Variants in DCUN1D3 observed in about 807,000 individuals in gnomAD.
The protein encoded by DCUN1D3 is defective in cullin neddylation 1 domain containing 3.
Under a neutral mutation model 24.8 loss-of-function variants are expected in DCUN1D3, and 6 were observed. The ratio of observed to expected loss-of-function variants is 0.24; its 90% CI spans 0.13 to 0.48. The LOEUF is 0.48. DCUN1D3 is among the 20% of genes least tolerant of loss of function. The pLI is 0.99. For missense variants in DCUN1D3, 258 were observed against 379.4 expected, an observed-to-expected ratio of 0.68 and a Z score of 2.66; for synonymous variants, 120 against 144.9, an observed-to-expected ratio of 0.83 and a Z score of 1.24.
intron 1 of DCUN1D3, among the ~76,000 whole-genome samples, chr16:20,883,250 C>T (rs957539070): frequency 2.0e-5 from 3 of 152,216 alleles, no homozygotes; most frequent in Admixed American, 6.5e-5. Context: ...CGGTGGCTCA[C>T]GCCTGTAATC....
intron 1 of DCUN1D3, among the ~76,000 whole-genome samples, chr16:20,883,611 G>A (rs1362642904): frequency 6.6e-6 from 1 of 152,172 alleles, no homozygotes; most frequent in East Asian, 1.9e-4. Flanking sequence ...GAGATCTTTA[G>A]AACTTTCTGT....
chr16:20,875,988 CAG>C (rs1398680521), intron 1 of DCUN1D3, among the ~76,000 whole-genome samples: 2 of 151,888 alleles, frequency 1.3e-5, no homozygotes, highest in Non-Finnish European at 2.9e-5. Flanking sequence ...TTTTTTGAGA[CAG>C]AGTCTCACTC....
At chr16:20,881,225 G>A (rs1198546559) in intron 1 of DCUN1D3, among the ~76,000 whole-genome samples, 4 of 152,106 alleles carry the variant, frequency 2.6e-5, no homozygotes, top group African/African-American at 9.7e-5. Flanking sequence ...GCAACACAGC[G>A]ATACTCTGTC....
intron 1 of DCUN1D3, among the ~76,000 whole-genome samples, chr16:20,864,094 A>G (rs923772050): frequency 1.3e-5 from 2 of 152,234 alleles, no homozygotes; most frequent in African/African-American, 4.8e-5. Context: ...ACCAAAAGCA[A>G]TCAAAACAAA....
chr16:20,860,448 A>G lies in DCUN1D3; in HGVS notation c.432-79T>C. On this transcript the variant is annotated intron_variant, in intron 2 of 2. Coordinates refer to ENST00000324344, the MANE Select transcript of DCUN1D3 (RefSeq NM_173475.4). The surrounding 1 kb of genome is among the most constrained non-coding windows in gnomAD (Gnocchi z 4.3). Reference sequence around the variant, plus strand: ...GCAATATACATAGTGATTAAGAGCAAGGCTTTCAGGCCAGATGGTCTGAAT... The same window carrying G: ...GCAATATACATAGTGATTAAGAGCAGGGCTTTCAGGCCAGATGGTCTGAAT... 1 of 1,430,348 alleles carries G rather than the reference A, an allele frequency of 7.0e-7. No homozygotes were observed. Among genetic ancestry groups the G allele is most frequent in the South Asian group, 1.4e-5 (1 of 71,336 alleles). 88.6% of individuals were successfully genotyped at this position (1,430,348 alleles called of 1,614,324 possible).
chr16:20,889,827 T>G (rs1025888312), intron 1 of DCUN1D3, among the ~76,000 whole-genome samples: 1 of 152,064 alleles, frequency 6.6e-6, no homozygotes, highest in South Asian at 2.1e-4. Flanking sequence ...TAGTTTCCAG[T>G]GAAGGGCTAG....
intron 1 of DCUN1D3, among the ~76,000 whole-genome samples, chr16:20,873,902 T>C (rs559458532): frequency 1.4e-4 from 22 of 152,076 alleles, no homozygotes; most frequent in Non-Finnish European, 2.6e-4. Context: ...CAAATGCATG[T>C]AGAACCCAAA....
At chr16:20,875,209 TGCACACACACACACACACACACACACAC>T (rs2081807824) in intron 1 of DCUN1D3, among the ~76,000 whole-genome samples, 2 of 96,082 alleles carry the variant, frequency 2.1e-5, no homozygotes, top group Non-Finnish European at 4.4e-5. Flanking sequence ...CGTGCGCTCA[TGCACACACACACACACACACACACACAC>T]ACACACACAC....
intron 1 of DCUN1D3, among the ~76,000 whole-genome samples, chr16:20,898,238 C>G (rs2081927602): frequency 6.6e-6 from 1 of 152,220 alleles, no homozygotes; most frequent in South Asian, 2.1e-4. Flanking sequence ...ACTTAAGTGT[C>G]ACTTCCTCAG....
At chr16:20,875,063 A>T in intron 1 of DCUN1D3, among the ~76,000 whole-genome samples, 1 of 151,780 alleles carries the variant, frequency 6.6e-6, no homozygotes, top group Middle Eastern at 3.4e-3. Flanking sequence ...GTCTATTAAA[A>T]CCCTGCCCTA....
intron 1 of DCUN1D3, among the ~76,000 whole-genome samples, chr16:20,881,927 C>G (rs1023427910): frequency 6.6e-6 from 1 of 152,098 alleles, no homozygotes; most frequent in African/African-American, 2.4e-5. Context: ...CTCAGCCTCC[C>G]AAGTAGCCAG....
rs956665176 is a variant in DCUN1D3, at chr16:20,882,260, T to A, written c.-106+17944A>T. 2.0e-5 allele frequency among the ~76,000 whole-genome samples: 3 copies of A among 151,784 alleles called. No individual in the cohort carries two copies. The South Asian group carries it at 6.3e-4, about 32-fold the overall frequency. ...TCATTTATAACATTGCTATTTTTTT[T>A]TTTTTTTTTGAGATAGAGTTTCGCT... On this transcript the variant is annotated intron_variant, in intron 1 of 2. Transcript: ENST00000324344.
At chr16:20,881,269 T>G (rs8054241) in intron 1 of DCUN1D3, among the ~76,000 whole-genome samples, 28,401 of 152,010 alleles carry the variant, frequency 0.19, 2,966 homozygotes, top group African/African-American at 0.29. Context: ...TAAGTGGGTG[T>G]GATGATGTAC....
chr16:20,892,574 A>G (rs2081897022), intron 1 of DCUN1D3, among the ~76,000 whole-genome samples: 1 of 152,206 alleles, frequency 6.6e-6, no homozygotes, highest in African/African-American at 2.4e-5. Context: ...CATGGTGGTT[A>G]TTTCCACAGA....
Position 20,859,277 on chromosome 16 carries a change from G to A in DCUN1D3, c.*609C>T, listed in dbSNP as rs2081716770. 6.6e-6 allele frequency: 1 copy of A among 152,610 alleles called. No homozygotes were observed. Among genetic ancestry groups the A allele is most frequent in the Non-Finnish European group, 1.5e-5 (1 of 68,044 alleles). 9.5% of individuals were successfully genotyped at this position (152,610 alleles called of 1,614,324 possible). A position where few individuals can be genotyped will look rare whatever the true frequency, so the allele number is the denominator to read the frequency against. On this transcript the variant is annotated 3_prime_UTR_variant, in exon 3 of 3. Coordinates refer to ENST00000324344, the MANE Select transcript of DCUN1D3 (RefSeq NM_173475.4). ...TTGTCACCAGACTACAAATGCTCTTGGCTGGCCTTGGCTCTCCAAGAGCTC... is the reference window on the plus strand; with the variant it reads ...TTGTCACCAGACTACAAATGCTCTTAGCTGGCCTTGGCTCTCCAAGAGCTC...
intron 1 of DCUN1D3, among the ~76,000 whole-genome samples, chr16:20,865,377 T>C (rs1248352539): frequency 6.6e-6 from 1 of 152,240 alleles, no homozygotes; most frequent in Non-Finnish European, 1.5e-5. Context: ...AATTTAAAAG[T>C]GGTTTTTTAA....
At chr16:20,894,852 T>C (rs945302552) in intron 1 of DCUN1D3, among the ~76,000 whole-genome samples, 2 of 152,240 alleles carry the variant, frequency 1.3e-5, no homozygotes, top group Non-Finnish European at 2.9e-5. Flanking sequence ...GATTTCCCTA[T>C]CTGCCATTCT....
Position 20,860,781 on chromosome 16 carries a change from G to T in DCUN1D3, c.432-412C>A, listed in dbSNP as rs568094240. On this transcript the variant is annotated intron_variant, in intron 2 of 2. Transcript: ENST00000324344. The surrounding 1 kb of genome is among the most constrained non-coding windows in gnomAD (Gnocchi z 4.3). ...CCTTCTGATTCTCTATGGGTTGTTT[G>T]TTTGGGGTATATTTTTAGAGATTGC... 2.6e-5 allele frequency among the ~76,000 whole-genome samples: 4 copies of T among 152,312 alleles called. No individual in the cohort carries two copies. The South Asian group carries it at 8.3e-4, about 32-fold the overall frequency.
At chr16:20,862,839 A>G (rs2081740718) in intron 1 of DCUN1D3, among the ~76,000 whole-genome samples, 196 bp from the exon 2 acceptor site, 1 of 152,188 alleles carries the variant, frequency 6.6e-6, no homozygotes, top group South Asian at 2.1e-4. Flanking sequence ...TGGGGCACAT[A>G]TGGAGAACCA....
Sources: allele counts gnomAD v4.1 joint callset (sites outside exome capture counted in the v4.1 genomes callset), GRCh38; gene constraint gnomAD v4.1.1; non-coding constraint Gnocchi (gnomAD v3.1); transcripts MANE v1.5; gene names NCBI Gene and HGNC (gene_info 2026-07-23, HGNC 2026-07-21).